Variants in PLA2R1 observed in about 807,000 individuals in gnomAD.
PLA2R1 encodes phospholipase A2 receptor 1.
Under a neutral mutation model 195.9 loss-of-function variants are expected in PLA2R1, and 158 were observed. The observed-to-expected ratio is 0.81, with a 90% CI of 0.71 to 0.92. The LOEUF (loss-of-function observed/expected upper bound fraction) is 0.92, where lower values mean the gene tolerates loss of function less well. Ranked by LOEUF, PLA2R1 falls within the 40% of genes least tolerant of loss-of-function variation. The pLI is 0.00. For synonymous variants in PLA2R1, 586 were observed against 598.2 expected (o/e 0.98, Z 0.30); for missense variants, 1,626 against 1,764.6 (o/e 0.92, Z 1.41).
chr2:159,957,818 G>T (rs974924108), intron 20 of PLA2R1, among the ~76,000 whole-genome samples: 5 of 152,280 alleles, frequency 3.3e-5, no homozygotes, highest in African/African-American at 1.2e-4. Flanking sequence ...GAAGAGAAAG[G>T]TTATAATGGA....
intron 11 of PLA2R1, among the ~76,000 whole-genome samples, chr2:159,998,018 T>TTTTTAAAAACATTTA (rs1327289021): frequency 6.6e-6 from 1 of 152,180 alleles, no homozygotes; most frequent in Non-Finnish European, 1.5e-5. Flanking sequence ...AAAGGAATTT[T>TTTTTAAAAACATTTA]TTTTAAAAAC....
rs543215418 is a variant in PLA2R1 at position 159,980,603 on chromosome 2, T to C, written c.2184-689A>G. Among the ~76,000 whole-genome samples the C allele has an allele frequency of 3.9e-5, 6 of 152,320 alleles. No individual in the cohort carries two copies. The South Asian group carries it at 6.2e-4, about 16-fold the overall frequency. Reference sequence around the variant, plus strand: ...CCAGTCACCCTGAGCCATGGTTCATTAACTTCAGTTGTCACCATTGGTTTA... The same window carrying C: ...CCAGTCACCCTGAGCCATGGTTCATCAACTTCAGTTGTCACCATTGGTTTA... On this transcript the variant is annotated intron_variant, in intron 13 of 29. Coordinates refer to ENST00000283243, the MANE Select transcript of PLA2R1 (RefSeq NM_007366.5).
intron 28 of PLA2R1, among the ~76,000 whole-genome samples, chr2:159,943,747 A>ATT (rs1687221374): frequency 6.6e-6 from 1 of 151,872 alleles, no homozygotes; most frequent in Non-Finnish European, 1.5e-5. Flanking sequence ...TGTTCTTGAT[A>ATT]TTTAAAAGCT....
chr2:160,035,961 C>G (rs927517595), intron 3 of PLA2R1, among the ~76,000 whole-genome samples: 1 of 152,210 alleles, frequency 6.6e-6, no homozygotes, highest in Non-Finnish European at 1.5e-5. Context: ...CTGATTTACT[C>G]TCTTTTCTTG....
intron 23 of PLA2R1, among the ~76,000 whole-genome samples, chr2:159,953,224 C>G (rs982248916): frequency 1.2e-4 from 18 of 152,182 alleles, no homozygotes; most frequent in Non-Finnish European, 2.1e-4. Flanking sequence ...GGTTTTGCCA[C>G]CCATTGCCCT....
At chr2:159,961,101 C>A (rs560394001) in intron 20 of PLA2R1, among the ~76,000 whole-genome samples, 17 of 152,128 alleles carry the variant, frequency 1.1e-4, no homozygotes, top group African/African-American at 4.1e-4. Flanking sequence ...ACAGATGAGG[C>A]AATCTCAAAA....
intron 10 of PLA2R1, among the ~76,000 whole-genome samples, chr2:160,008,465 T>A (rs1301771554): frequency 6.6e-6 from 1 of 152,178 alleles, no homozygotes; most frequent in South Asian, 2.1e-4. Flanking sequence ...GTCTTCTCAA[T>A]AAACTGTGCA....
chr2:159,983,996 A>G lies in PLA2R1; in HGVS notation c.2115T>C (p.His705=), dbSNP rs1690149773. The part of the protein sequence containing the change: ...AEAFCEEFGA[H]LASFAHIEEE... ...CCTCAATATGGGCAAAGCTTGCAAG[A>G]TGAGCTCCAAATTCTTCGCAAAATG... Residue 705 remains histidine, a synonymous_variant, in exon 13 of 30, where the codon CAT becomes CAC. Transcript: ENST00000283243. 6 of 1,602,008 alleles carry G rather than the reference A, an allele frequency of 3.7e-6. No individual in the cohort carries two copies. Among genetic ancestry groups the G allele is most frequent in the Non-Finnish European group, 5.1e-6 (6 of 1,169,620 alleles).
chr2:160,024,531 G>T (rs1443622447), intron 6 of PLA2R1, among the ~76,000 whole-genome samples: 1 of 152,146 alleles, frequency 6.6e-6, no homozygotes, highest in East Asian at 1.9e-4. Context: ...TCACACCCCA[G>T]GCACCTGAGC....
the PLA2R1 span, among the ~76,000 whole-genome samples, chr2:159,926,776 C>A: frequency 2.6e-5 from 4 of 152,106 alleles, no homozygotes; most frequent in African/African-American, 9.7e-5. Flanking sequence ...CCCCTTCCCC[C>A]CACCCAGCTC....
rs573853521 is a variant in PLA2R1, at chr2:159,965,100, C to T, written c.2904+2439G>A. On this transcript the variant is annotated intron_variant, in intron 20 of 29. Coordinates refer to ENST00000283243, the MANE Select transcript of PLA2R1 (RefSeq NM_007366.5). ...ACAGCCTCCCGCATTATCACATGCC[C>T]CATCACCCCAGAATGGTACATCTGT... is the stretch of plus-strand genomic sequence containing the variant. 1.7e-4 allele frequency among the ~76,000 whole-genome samples: 26 copies of T among 152,244 alleles called. No individual in the cohort carries two copies. In the East Asian group the frequency reaches 5.0e-3, roughly 29 times the overall value.
chr2:159,956,553 T>C lies in PLA2R1; in HGVS notation c.2979A>G (p.Glu993=). 1 of 1,613,826 alleles carries C rather than the reference T, an allele frequency of 6.2e-7. No homozygotes were observed. The highest frequency in any genetic ancestry group is 1.3e-5 in the African/African-American group (1 of 75,062). Residue 993 remains glutamate (E), a synonymous_variant, in exon 21 of 30, where the codon GAA becomes GAG. Transcript: ENST00000283243. The part of the protein sequence containing the change: ...NWTHAQHFCA[E]EGGTLVAIES... ...CAATGGCGACCAGGGTCCCCCCTTC[T>C]TCAGCACAGAAATGTTGAGCATGCG...
At chr2:160,037,522 C>G (rs1327321926) in intron 3 of PLA2R1, among the ~76,000 whole-genome samples, 1 of 152,054 alleles carries the variant, frequency 6.6e-6, no homozygotes, top group Non-Finnish European at 1.5e-5. Context: ...GACAGGTGGG[C>G]GTATTTTATC....
In PLA2R1 at chr2:159,937,233, T is replaced by TA. The variant is rs1314202848; in HGVS notation, c.*4544dup. 1 of 152,226 alleles carries TA rather than the reference T, an allele frequency of 6.6e-6. No individual in the cohort carries two copies. Among genetic ancestry groups the TA allele is most frequent in the Non-Finnish European group, 1.5e-5 (1 of 68,048 alleles). 9.4% of individuals were successfully genotyped at this position (152,226 alleles called of 1,614,324 possible). On this transcript the variant is annotated 3_prime_UTR_variant, in exon 30 of 30. Coordinates refer to ENST00000283243, the MANE Select transcript of PLA2R1 (RefSeq NM_007366.5). Reference sequence around the variant, plus strand: ...TCAAATAACTGTTCATTATGCCTGTTACTCTTTCACTTACAGGCATCTTGC... The same window carrying TA: ...TCAAATAACTGTTCATTATGCCTGTTAACTCTTTCACTTACAGGCATCTTGC...
chr2:159,965,555 T>C (rs1276380727), intron 20 of PLA2R1, among the ~76,000 whole-genome samples: 1 of 152,240 alleles, frequency 6.6e-6, no homozygotes, highest in Non-Finnish European at 1.5e-5. Flanking sequence ...TAGGGACATC[T>C]TGATTGCTTC....
chr2:160,042,497 T>C (rs963531267), intron 2 of PLA2R1, among the ~76,000 whole-genome samples: 9 of 152,210 alleles, frequency 5.9e-5, no homozygotes, highest in Non-Finnish European at 1.3e-4. Context: ...GAAACTTTAA[T>C]GGAGATTTAA....
downstream of PLA2R1, among the ~76,000 whole-genome samples, chr2:159,931,614 T>G (rs1365841276): frequency 6.6e-6 from 1 of 152,136 alleles, no homozygotes; most frequent in African/African-American, 2.4e-5. Flanking sequence ...AGTGCAGTGG[T>G]GCAATCACAG....
chr2:159,932,393 C>T lies in PLA2R1; in HGVS notation c.*9385G>A, dbSNP rs1050368834. ...CAGTGGCTTAGCACATCGATTAAGG[C>T]ATGCTCTGTCCTGAAGTTTGTCCTC... On this transcript the variant is annotated 3_prime_UTR_variant, in exon 30 of 30. Coordinates refer to ENST00000283243, the MANE Select transcript of PLA2R1 (RefSeq NM_007366.5). 1 of 152,314 alleles carries T rather than the reference C, an allele frequency of 6.6e-6. No individual in the cohort carries two copies. The highest frequency in any genetic ancestry group is 6.5e-5 in the Admixed American group (1 of 15,290). The allele number at this position is 152,314 out of a possible 1,614,324, so 9.4% of individuals were successfully genotyped here.
intron 6 of PLA2R1, among the ~76,000 whole-genome samples, chr2:160,027,337 A>AGGAAGGAAGG (rs1358548514): frequency 1.6e-4 from 25 of 152,162 alleles, no homozygotes; most frequent in African/African-American, 6.0e-4. Context: ...AGAAAGGAAT[A>AGGAAGGAAGG]TGAAAGAAGG....
Sources: gnomAD v4.1 joint callset for allele counts (sites outside exome capture counted in the v4.1 genomes callset) on GRCh38, gnomAD v4.1.1 for gene constraint, MANE v1.5 for transcripts, NCBI Gene and HGNC (gene_info 2026-07-23, HGNC 2026-07-21) for gene names.